The following PDE2A variants were observed in gnomAD, a reference collection of about 807,000 sequenced individuals.
PDE2A encodes phosphodiesterase 2A, also known as cGMP-dependent 3',5'-cyclic phosphodiesterase.
In PDE2A, 53 loss-of-function variants were observed where a neutral mutation model predicts 133.6. That is an observed-to-expected ratio of 0.40 (90% CI 0.32 to 0.50). PDE2A has a LOEUF of 0.50. Among genes scored for constraint, PDE2A ranks in the 20% least tolerant of loss-of-function variants. The probability of loss-of-function intolerance (pLI) is 0.73; values close to 1 mark genes in which losing one functional copy is unlikely to be tolerated. For missense variants in PDE2A, 796 were observed against 1,232.4 expected (o/e 0.65, Z 5.30); for synonymous variants, 491 against 490.2 (o/e 1.00, Z -0.02).
intron 2 of PDE2A, among the ~76,000 whole-genome samples, chr11:72,624,676 G>C (rs1857958219): frequency 6.6e-6 from 1 of 152,196 alleles, no homozygotes; most frequent in Non-Finnish European, 1.5e-5. Context: ...GTCACTTTCA[G>C]TGTCACACAC....
At chr11:72,598,632 A>G (rs1386140222) in intron 4 of PDE2A, 1 of 1,289,116 alleles carries the variant, frequency 7.8e-7, no homozygotes, top group East Asian at 5.5e-5. Context: ...AAACTTGGGG[A>G]ACTGTGTGCA....
intron 14 of PDE2A, among the ~76,000 whole-genome samples, chr11:72,585,812 G>A (rs1177554727): frequency 6.6e-6 from 1 of 152,208 alleles, no homozygotes; most frequent in Non-Finnish European, 1.5e-5. Context: ...TGTCTCAGCC[G>A]CCTTCACGCC....
Position 72,589,735 on chromosome 11 carries a change from C to A in PDE2A, c.873+16G>T, listed in dbSNP as rs777099365. ...GCCCCTGCAGACTCCAACGAGAAGA[C>A]AGACGCGGGACTCACGGGAAAGCTG... On this transcript the variant is annotated intron_variant, in intron 11 of 30. Transcript: ENST00000334456. The A allele has an allele frequency of 1.2e-6, 2 of 1,613,372 alleles. No individual in the cohort carries two copies. Among genetic ancestry groups the A allele is most frequent in the Non-Finnish European group, 1.7e-6 (2 of 1,179,596 alleles).
chr11:72,643,349 GGGC>G (rs1459220139), intron 1 of PDE2A: 1 of 152,312 alleles, frequency 6.6e-6, no homozygotes, highest in African/African-American at 2.4e-5. Context: ...AAAGCGGTTG[GGGC>G]GGCAGGACGT....
intron 1 of PDE2A, among the ~76,000 whole-genome samples, chr11:72,664,523 C>T (rs1216138582): frequency 6.8e-6 from 1 of 146,952 alleles, no homozygotes; most frequent in South Asian, 2.2e-4. Context: ...ACAGGCGCCC[C>T]CCACCACGCC....
chr11:72,625,410 C>T (rs1183534498), intron 2 of PDE2A, among the ~76,000 whole-genome samples: 2 of 152,346 alleles, frequency 1.3e-5, no homozygotes, highest in East Asian at 3.9e-4. Context: ...CAACTGTGGA[C>T]AGGACCAGCC....
In PDE2A at chr11:72,590,659, C is replaced by A. The variant is rs1487358036; in HGVS notation, c.550-79G>T. 4 of 1,259,226 alleles carry A rather than the reference C, an allele frequency of 3.2e-6. No individual in the cohort carries two copies. Among genetic ancestry groups the A allele is most frequent in the Non-Finnish European group, 4.1e-6 (4 of 981,318 alleles). The allele number at this position is 1,259,226 out of a possible 1,614,324, so 78.0% of individuals were successfully genotyped here. A position where few individuals can be genotyped will look rare whatever the true frequency, so the allele number is the denominator to read the frequency against. On this transcript the variant is annotated intron_variant, in intron 7 of 30. Transcript: ENST00000334456. The surrounding 1 kb of genome is among the most constrained non-coding windows in gnomAD (Gnocchi z 4.8). ...CTGCAGCGGGATTCCTGCCTTTGCTCCCGCCGTTCCCTCTGCCTGCCGGGC... is the reference window on the plus strand; with the variant it reads ...CTGCAGCGGGATTCCTGCCTTTGCTACCGCCGTTCCCTCTGCCTGCCGGGC...
At chr11:72,623,829 T>G (rs401801) in intron 2 of PDE2A, among the ~76,000 whole-genome samples, 1 of 151,702 alleles carries the variant, frequency 6.6e-6, no homozygotes, top group African/African-American at 2.4e-5. Flanking sequence ...CTAACTCTTC[T>G]GCCATTCCAT....
At chr11:72,668,929 T>C (rs147669262) in intron 1 of PDE2A, 1 of 1,020,830 alleles carries the variant, frequency 9.8e-7, no homozygotes, top group East Asian at 8.8e-5. Context: ...CTCCTAGCTC[T>C]GGTCTCTCCC....
intron 1 of PDE2A, among the ~76,000 whole-genome samples, chr11:72,658,555 ACTC>A (rs1854964143): frequency 6.6e-6 from 1 of 151,272 alleles, no homozygotes; most frequent in Non-Finnish European, 1.5e-5. Context: ...CTGGTCTTGA[ACTC>A]CTGGCCTCAA....
intron 1 of PDE2A, among the ~76,000 whole-genome samples, chr11:72,648,859 C>T (rs1854640961): frequency 6.6e-6 from 1 of 152,156 alleles, no homozygotes; most frequent in Admixed American, 6.5e-5. Flanking sequence ...TCCTATCACG[C>T]CTACACCCCA....
At chr11:72,640,293 A>C (rs1414398463) in intron 2 of PDE2A, among the ~76,000 whole-genome samples, 1 of 151,802 alleles carries the variant, frequency 6.6e-6, no homozygotes, top group Non-Finnish European at 1.5e-5. Context: ...TGCATAGATA[A>C]TGTGCACACC....
intron 2 of PDE2A, among the ~76,000 whole-genome samples, chr11:72,610,889 G>A (rs149021899): frequency 6.6e-6 from 1 of 152,180 alleles, no homozygotes; most frequent in African/African-American, 2.4e-5. Flanking sequence ...AAGAGCTCGA[G>A]TGATACCTGT....
chr11:72,658,638 C>T (rs1854966292), intron 1 of PDE2A, among the ~76,000 whole-genome samples: 1 of 152,144 alleles, frequency 6.6e-6, no homozygotes, highest in African/African-American at 2.4e-5. Context: ...CCAGCCCACA[C>T]TGCCTATTTT....
At chr11:72,640,085 C>T (rs141023346) in intron 2 of PDE2A, among the ~76,000 whole-genome samples, 56 of 152,108 alleles carry the variant, frequency 3.7e-4, no homozygotes, top group African/African-American at 1.2e-3. Flanking sequence ...ACACACAGCT[C>T]ATGGGGAGAA....
rs937367875 is a variant in PDE2A, at chr11:72,578,032, T to C, written c.2615+201A>G. On this transcript the variant is annotated intron_variant, in intron 30 of 30. Coordinates refer to ENST00000334456, the MANE Select transcript of PDE2A (RefSeq NM_002599.5). The surrounding 1 kb of genome is among the most constrained non-coding windows in gnomAD (Gnocchi z 4.2). ...GAGGAGGACACCTAGGAAAGCATGA[T>C]GGTCTCTTTCCACTGAGGACCAAGG... Among the ~76,000 whole-genome samples the C allele has an allele frequency of 1.3e-5, 2 of 152,188 alleles. No homozygotes were observed. The highest frequency in any genetic ancestry group is 2.4e-5 in the African/African-American group (1 of 41,442).
chr11:72,606,784 G>A (rs1184573083), intron 3 of PDE2A, among the ~76,000 whole-genome samples: 1 of 152,208 alleles, frequency 6.6e-6, no homozygotes, highest in Non-Finnish European at 1.5e-5. Flanking sequence ...CCAGGCAGAG[G>A]GAGGGGTGGG....
chr11:72,579,167 G>C, intron 27 of PDE2A, 117 bp downstream of exon 27: 2 of 962,016 alleles, frequency 2.1e-6, no homozygotes, highest in Middle Eastern at 2.1e-4. Flanking sequence ...GGGCCGTGCA[G>C]CCAGAGAAGG....
rs772894994 is a variant in PDE2A, at chr11:72,581,479, C to T, written c.1923G>A (p.Arg641=). The T allele has an allele frequency of 6.3e-7, 1 of 1,592,410 alleles. No homozygotes were observed. The highest frequency in any genetic ancestry group is 1.3e-5 in the African/African-American group (1 of 74,798). Residue 641 remains arginine, a splice_region_variant and synonymous_variant, in exon 23 of 31, where the codon CGG becomes CGA. Coordinates refer to ENST00000334456, the MANE Select transcript of PDE2A (RefSeq NM_002599.5). The part of the protein sequence containing the change: ...NYKIDCPTLA[R]FCLMVKKGYR... ...AGCCCTTCTTCACCATCAAACAGAA[C>T]CTGGGGGAGGGAAGAGGGCAGAAGA...
Sources: allele counts gnomAD v4.1 joint callset (sites outside exome capture counted in the v4.1 genomes callset), GRCh38; gene constraint gnomAD v4.1.1; non-coding constraint Gnocchi (gnomAD v3.1); transcripts MANE v1.5; gene names NCBI Gene and HGNC (gene_info 2026-07-23, HGNC 2026-07-21).